Variants in LRIG1 observed in about 807,000 individuals in gnomAD.
LRIG1 encodes leucine rich repeats and immunoglobulin like domains 1.
A neutral mutation model predicts 99.2 loss-of-function variants in LRIG1; 48 were observed. That is an observed-to-expected ratio of 0.48 (90% confidence interval 0.38 to 0.62). The LOEUF (loss-of-function observed/expected upper bound fraction) is 0.62. Among genes scored for constraint, LRIG1 ranks in the 20% least tolerant of loss-of-function variants. The pLI, the probability that LRIG1 is intolerant of heterozygous loss-of-function variation, is 0.00. For synonymous variants in LRIG1, 772 were observed against 596.1 expected (o/e 1.29, Z -4.30); for missense variants, 1,646 against 1,434.4 (o/e 1.15, Z -2.38).
rs1701258621 is a variant in LRIG1, at chr3:66,384,357, C to T, written c.1790-85G>A. Reference sequence around the variant, plus strand: ...TCCTCTGGCAAACACCTACCTGTCACTGTGCCCAGTGCCAGTTCACTTCTT... The same window carrying T: ...TCCTCTGGCAAACACCTACCTGTCATTGTGCCCAGTGCCAGTTCACTTCTT... On this transcript the variant is annotated intron_variant, in intron 13 of 18. Transcript: ENST00000273261. 2.1e-6 allele frequency: 3 copies of T among 1,410,098 alleles called. 1 individual carries two copies. In the Admixed American group the frequency reaches 5.3e-5, roughly 25 times the overall value. 87.3% of individuals were successfully genotyped at this position (1,410,098 alleles called of 1,614,324 possible).
At chr3:66,453,761 C>T (rs924698443) in intron 2 of LRIG1, among the ~76,000 whole-genome samples, 5 of 152,134 alleles carry the variant, frequency 3.3e-5, no homozygotes, top group Non-Finnish European at 5.9e-5. Context: ...AGCTCATAAT[C>T]CCTTAGGTAA....
intron 2 of LRIG1, 109 bp from the exon 3 acceptor site, chr3:66,451,742 T>C (rs1703910791): frequency 1.3e-6 from 1 of 745,580 alleles, no homozygotes; most frequent in Non-Finnish European, 2.2e-6. Flanking sequence ...AGTAAACCTA[T>C]ATTCTAATGT....
At chr3:66,462,772 A>G (rs1432807378) in intron 1 of LRIG1, among the ~76,000 whole-genome samples, 1 of 152,206 alleles carries the variant, frequency 6.6e-6, no homozygotes, top group East Asian at 1.9e-4. Context: ...CAACTTGGAA[A>G]GAAATTCTAA....
At chr3:66,422,438 C>G (rs1702850057) in intron 3 of LRIG1, among the ~76,000 whole-genome samples, 1 of 152,158 alleles carries the variant, frequency 6.6e-6, no homozygotes, top group African/African-American at 2.4e-5. Flanking sequence ...TTCAAAGTTC[C>G]ACAAATCTCT....
rs542828844 is a variant in LRIG1, at chr3:66,399,315, G to A, written c.1161-274C>T. ...GCATGTGCCGTCTGGCCTAAAAAAG[G>A]CCCCTCCCAGTGTTAGGCAGAAATC... On this transcript the variant is annotated intron_variant, in intron 9 of 18. Coordinates refer to ENST00000273261, the MANE Select transcript of LRIG1 (RefSeq NM_015541.3). 1.9e-3 allele frequency among the ~76,000 whole-genome samples: 282 copies of A among 152,308 alleles called. 2 individuals are homozygous for A. Among genetic ancestry groups the A allele is most frequent in the African/African-American group, 6.5e-3 (270 of 41,556 alleles).
At chr3:66,391,386 G>A (rs1467873160) in intron 12 of LRIG1, among the ~76,000 whole-genome samples, 4 of 152,150 alleles carry the variant, frequency 2.6e-5, no homozygotes, top group Non-Finnish European at 5.9e-5. Context: ...TAGCCAAAAA[G>A]TGGGGACAAT....
chr3:66,418,771 C>A (rs905293414), intron 3 of LRIG1, among the ~76,000 whole-genome samples: 4 of 152,174 alleles, frequency 2.6e-5, no homozygotes, highest in Non-Finnish European at 5.9e-5. Context: ...AAACAAGGAC[C>A]TCTTTCCCAG....
intron 12 of LRIG1, among the ~76,000 whole-genome samples, chr3:66,389,997 T>G (rs1701553089): frequency 6.6e-6 from 1 of 152,154 alleles, no homozygotes; most frequent in Non-Finnish European, 1.5e-5. Flanking sequence ...TTAAAGATTT[T>G]TAAAGATAAT....
At chr3:66,477,988 C>A (rs768376516) in intron 1 of LRIG1, among the ~76,000 whole-genome samples, 1 of 152,122 alleles carries the variant, frequency 6.6e-6, no homozygotes, top group African/African-American at 2.4e-5. Flanking sequence ...TACAAACACA[C>A]GACACACAGC....
chr3:66,452,367 C>A (rs769812739), intron 2 of LRIG1, among the ~76,000 whole-genome samples: 1 of 152,220 alleles, frequency 6.6e-6, no homozygotes, highest in Non-Finnish European at 1.5e-5. Flanking sequence ...AACCAAAGCA[C>A]GGCTCGCCTG....
intron 3 of LRIG1, among the ~76,000 whole-genome samples, chr3:66,433,198 A>G (rs577999444): frequency 6.6e-6 from 1 of 152,324 alleles, no homozygotes; most frequent in African/African-American, 2.4e-5. Flanking sequence ...AGAAGCCACC[A>G]CCTACTCCAG....
At chr3:66,434,619 A>ACT (rs1372379185) in intron 3 of LRIG1, among the ~76,000 whole-genome samples, 2 of 151,962 alleles carry the variant, frequency 1.3e-5, no homozygotes, top group African/African-American at 4.8e-5. Context: ...TGGTGGCGTA[A>ACT]GCCTGCAATC....
intron 9 of LRIG1, among the ~76,000 whole-genome samples, chr3:66,399,397 A>G (rs1701974830): frequency 6.6e-6 from 1 of 152,202 alleles, no homozygotes; most frequent in Admixed American, 6.5e-5. Flanking sequence ...GGTGAAGTTT[A>G]GTGATGGAGA....
chr3:66,483,300 A>G lies in LRIG1; in HGVS notation c.218+16890T>C, dbSNP rs201018086. On this transcript the variant is annotated intron_variant, in intron 1 of 18. Transcript: ENST00000273261. ...GCAGTGCTCTCTCTGCCATGGATGG[A>G]GATCCTGCGTGTCTGAGGATGGGGG... Among the ~76,000 whole-genome samples the G allele has an allele frequency of 1.7e-4, 26 of 152,190 alleles. No individual in the cohort carries two copies. In the East Asian group the frequency reaches 4.6e-3, roughly 27 times the overall value.
At chr3:66,403,813 C>T (rs1199427035) in intron 9 of LRIG1, among the ~76,000 whole-genome samples, 2 of 152,194 alleles carry the variant, frequency 1.3e-5, no homozygotes, top group Non-Finnish European at 2.9e-5. Flanking sequence ...CCCACTCTCA[C>T]CACCCTCACC....
At chr3:66,432,447 C>T (rs1703203507) in intron 3 of LRIG1, among the ~76,000 whole-genome samples, 1 of 152,184 alleles carries the variant, frequency 6.6e-6, no homozygotes, top group Non-Finnish European at 1.5e-5. Flanking sequence ...GCCATAATGG[C>T]AGGAACAGTG....
intron 1 of LRIG1, among the ~76,000 whole-genome samples, chr3:66,471,703 T>A (rs980502076): frequency 3.9e-5 from 6 of 152,206 alleles, no homozygotes; most frequent in African/African-American, 1.4e-4. Flanking sequence ...AGACTTTTGC[T>A]TCTGGAGTAC....
At chr3:66,420,814 C>G (rs71308814) in intron 3 of LRIG1, among the ~76,000 whole-genome samples, 1 of 152,122 alleles carries the variant, frequency 6.6e-6, no homozygotes, top group South Asian at 2.1e-4. Flanking sequence ...TGTTGTTTAA[C>G]GGTGTATTAG....
chr3:66,437,228 T>G (rs55853915), intron 3 of LRIG1, among the ~76,000 whole-genome samples: 37,992 of 152,172 alleles, frequency 0.25, 6,084 homozygotes, highest in East Asian at 0.71. Context: ...TGCTGGCCCC[T>G]CAAACAAGCG....
Sources: gnomAD v4.1 joint callset for allele counts (sites outside exome capture counted in the v4.1 genomes callset) on GRCh38, gnomAD v4.1.1 for gene constraint, MANE v1.5 for transcripts, NCBI Gene and HGNC (gene_info 2026-07-23, HGNC 2026-07-21) for gene names.